The following UBE2H variants were observed in gnomAD, a reference collection of about 807,000 sequenced individuals.
UBE2H encodes the protein ubiquitin conjugating enzyme E2 H.
UBE2H carries 3 observed loss-of-function variants against 29.0 expected under a neutral mutation model. The ratio of observed to expected loss-of-function variants is 0.10; its 90% CI spans 0.05 to 0.27. The LOEUF (loss-of-function observed/expected upper bound fraction) is 0.27, where lower values mean the gene tolerates loss of function less well. Among genes scored for constraint, UBE2H ranks in the 10% least tolerant of loss-of-function variants. The pLI is 1.00. For synonymous variants in UBE2H, 69 were observed against 82.9 expected, an observed-to-expected ratio of 0.83 and a Z score of 0.91; for missense variants, 68 against 228.2, an observed-to-expected ratio of 0.30 and a Z score of 4.52.
chr7:129,870,335 G>T (rs1002593960), intron 3 of UBE2H, among the ~76,000 whole-genome samples: 5 of 152,082 alleles, frequency 3.3e-5, no homozygotes, highest in Non-Finnish European at 7.3e-5. Flanking sequence ...TTAAAAACAG[G>T]CCAGGCATGG....
At chr7:129,927,128 A>G (rs191230257) in intron 1 of UBE2H, among the ~76,000 whole-genome samples, 3 of 152,282 alleles carry the variant, frequency 2.0e-5, no homozygotes, top group African/African-American at 4.8e-5. Flanking sequence ...TTATTCATAC[A>G]CTATCTTCAT....
intron 3 of UBE2H, among the ~76,000 whole-genome samples, chr7:129,867,706 A>G (rs1805935154): frequency 1.1e-5 from 1 of 88,538 alleles, no homozygotes; most frequent in African/African-American, 4.9e-5. Flanking sequence ...TAATAAAAAA[A>G]AAAAAAAAAA....
chr7:129,917,096 T>C (rs947797525), intron 1 of UBE2H, among the ~76,000 whole-genome samples: 5 of 150,342 alleles, frequency 3.3e-5, no homozygotes, highest in African/African-American at 1.2e-4. Flanking sequence ...TCCCAGCTAC[T>C]GGCAGGAGAA....
chr7:129,950,238 G>A (rs1807846725), intron 1 of UBE2H, among the ~76,000 whole-genome samples: 1 of 151,970 alleles, frequency 6.6e-6, no homozygotes, highest in African/African-American at 2.4e-5. Context: ...TTTAAATCTC[G>A]AAACTGTTAT....
chr7:129,940,308 A>C (rs527351439), intron 1 of UBE2H, among the ~76,000 whole-genome samples: 1 of 152,310 alleles, frequency 6.6e-6, no homozygotes, highest in South Asian at 2.1e-4. Flanking sequence ...TTCCCTAAAA[A>C]TGGTTTAAAA....
intron 1 of UBE2H, among the ~76,000 whole-genome samples, chr7:129,898,885 G>C (rs999368525): frequency 4.7e-5 from 7 of 148,936 alleles, no homozygotes; most frequent in African/African-American, 1.7e-4. Flanking sequence ...GCAACTTCTA[G>C]TCCCACTGCC....
At chr7:129,902,269 C>T (rs181143282) in intron 1 of UBE2H, among the ~76,000 whole-genome samples, 42 of 152,232 alleles carry the variant, frequency 2.8e-4, no homozygotes, top group Middle Eastern at 3.4e-3. Flanking sequence ...GAGGCCGAGG[C>T]GGATGGATCA....
intron 1 of UBE2H, among the ~76,000 whole-genome samples, chr7:129,947,074 AC>A (rs1482129973): frequency 6.6e-6 from 1 of 152,196 alleles, no homozygotes; most frequent in African/African-American, 2.4e-5. Context: ...GTTCTAACAT[AC>A]ATACACAAAT....
intron 1 of UBE2H, among the ~76,000 whole-genome samples, chr7:129,948,767 G>A (rs1303359124): frequency 6.6e-6 from 1 of 152,078 alleles, no homozygotes; most frequent in Non-Finnish European, 1.5e-5. Context: ...GGTGTATGCC[G>A]GTCCCCATTA....
chr7:129,849,506 A>T (rs1460644224), intron 5 of UBE2H, among the ~76,000 whole-genome samples: 7 of 152,312 alleles, frequency 4.6e-5, no homozygotes, highest in Non-Finnish European at 1.0e-4. Context: ...TGAACCCAGG[A>T]GGCAGAGGTT....
chr7:129,890,236 T>C (rs1161799845), intron 1 of UBE2H, among the ~76,000 whole-genome samples: 4 of 145,492 alleles, frequency 2.7e-5, no homozygotes, highest in Non-Finnish European at 6.2e-5. Flanking sequence ...ACCACATATA[T>C]ATATACACAC....
In UBE2H at chr7:129,885,699, C is replaced by T. The variant is rs545459272; in HGVS notation, c.54-4728G>A. Among the ~76,000 whole-genome samples the T allele has an allele frequency of 1.6e-4, 24 of 152,242 alleles. No individual in the cohort carries two copies. In the South Asian group the frequency reaches 5.0e-3, roughly 32 times the overall value. ...AAACCCAAAAGCAAACTGAACTAAA[C>T]CTTTAAAACTTTTACCAAACCAGTA... On this transcript the variant is annotated intron_variant, in intron 1 of 6. Coordinates refer to ENST00000355621, the MANE Select transcript of UBE2H (RefSeq NM_003344.4).
rs10545721 is a variant in UBE2H, at chr7:129,934,931, GTATA to G, written c.53+17568_53+17571del. ...TATATGTGTGTGTGTATATATATGT[GTATA>G]TATATATATATGTGTGTGTGTGTAT... On this transcript the variant is annotated intron_variant, in intron 1 of 6. Transcript: ENST00000355621. Among the ~76,000 whole-genome samples, 426 of 145,696 alleles carry G rather than the reference GTATA, an allele frequency of 2.9e-3. 1 individual carries two copies. Among genetic ancestry groups the G allele is most frequent in the African/African-American group, 6.3e-3 (247 of 39,170 alleles).
chr7:129,920,652 G>A (rs1000129006), intron 1 of UBE2H, among the ~76,000 whole-genome samples: 1 of 151,970 alleles, frequency 6.6e-6, no homozygotes, highest in Non-Finnish European at 1.5e-5. Context: ...GAGGGAAGCG[G>A]AATCAGGAAA....
intron 4 of UBE2H, among the ~76,000 whole-genome samples, chr7:129,858,126 G>C (rs972921985): frequency 6.6e-6 from 1 of 152,310 alleles, no homozygotes; most frequent in East Asian, 1.9e-4. Flanking sequence ...GTGCTAAAAA[G>C]TAAGTTACTG....
chr7:129,839,137 G>A (rs1805381334), intron 6 of UBE2H, 70 bp downstream of exon 6: 2 of 1,566,518 alleles, frequency 1.3e-6, no homozygotes, highest in Non-Finnish European at 1.7e-6. Flanking sequence ...ATTTAAGAAG[G>A]ACTTTTAATG....
At chr7:129,951,541 G>A (rs1807876229) in intron 1 of UBE2H, among the ~76,000 whole-genome samples, 2 of 152,008 alleles carry the variant, frequency 1.3e-5, no homozygotes, top group Non-Finnish European at 2.9e-5. Context: ...TTCTCTAGCT[G>A]GTCCTGAAAT....
At chr7:129,922,286 C>T (rs904639611) in intron 1 of UBE2H, among the ~76,000 whole-genome samples, 2 of 150,220 alleles carry the variant, frequency 1.3e-5, no homozygotes, top group Non-Finnish European at 3.0e-5. Context: ...CCGTGCCTGG[C>T]CTTTTAATTT....
chr7:129,873,148 A>AGCTG (rs1377128934), intron 3 of UBE2H, among the ~76,000 whole-genome samples: 3 of 150,978 alleles, frequency 2.0e-5, no homozygotes, highest in East Asian at 4.0e-4. Context: ...CCTCCCAAGT[A>AGCTG]GCTGGGAATA....
Sources: gnomAD v4.1 joint callset for allele counts (sites outside exome capture counted in the v4.1 genomes callset) on GRCh38, gnomAD v4.1.1 for gene constraint, MANE v1.5 for transcripts, NCBI Gene and HGNC (gene_info 2026-07-23, HGNC 2026-07-21) for gene names.